The following MRPL27 variants were observed in gnomAD, a reference collection of about 807,000 sequenced individuals.
MRPL27 encodes the protein mitochondrial ribosomal protein L27.
A neutral mutation model predicts 14.6 loss-of-function variants in MRPL27; 4 were observed. That is an observed-to-expected ratio of 0.27 (90% CI 0.14 to 0.63). The LOEUF (loss-of-function observed/expected upper bound fraction) is 0.63. MRPL27 is among the 20% of genes least tolerant of loss of function. The probability of loss-of-function intolerance (pLI) is 0.85; values close to 1 mark genes in which losing one functional copy is unlikely to be tolerated. For synonymous variants in MRPL27, 82 were observed against 75.5 expected, an observed-to-expected ratio of 1.09 and a Z score of -0.45; for missense variants, 196 against 192.8, an observed-to-expected ratio of 1.02 and a Z score of -0.10.
chr17:50,369,003 T>C (rs1913047182), intron 3 of MRPL27: 1 of 635,726 alleles, frequency 1.6e-6, no homozygotes, highest in Non-Finnish European at 2.8e-6. Context: ...TCCAGCATTA[T>C]TCTCTGTCTC....
intron 3 of MRPL27, chr17:50,369,138 G>T (rs1913051211): frequency 2.3e-6 from 1 of 435,586 alleles, no homozygotes; most frequent in Non-Finnish European, 4.1e-6. Context: ...TGTCAAATGG[G>T]GATAATATTA....
At chr17:50,369,727 G>C (rs1913070152) in intron 3 of MRPL27, 2 of 429,682 alleles carry the variant, frequency 4.7e-6, no homozygotes, top group South Asian at 6.3e-5. Flanking sequence ...CTGAGGGTTA[G>C]AAAGGAGAAC....
At chr17:50,368,715 C>G in intron 3 of MRPL27, 3 of 614,158 alleles carry the variant, frequency 4.9e-6, no homozygotes, top group Admixed American at 6.0e-5. Context: ...AAAGTTTAGG[C>G]TCTATGGAAA....
At chr17:50,372,866 C>T (rs11871126) in intron 1 of MRPL27, 242,947 of 554,512 alleles carry the variant, frequency 0.44, 56,607 homozygotes, top group Admixed American at 0.57. Flanking sequence ...AGAGAAAGGA[C>T]CCACCCAAAT....
intron 1 of MRPL27, among the ~76,000 whole-genome samples, chr17:50,372,715 G>GT (rs1913208563): frequency 6.6e-6 from 1 of 152,182 alleles, no homozygotes; most frequent in African/African-American, 2.4e-5. Flanking sequence ...ACCGTTCGGG[G>GT]GCTAGAAGCC....
intron 3 of MRPL27, 123 bp downstream of exon 3, chr17:50,369,909 G>A: frequency 9.3e-7 from 1 of 1,071,968 alleles, no homozygotes; most frequent in Non-Finnish European, 1.4e-6. Flanking sequence ...GTAGGCATGG[G>A]AATCAGCACA....
At position 50,370,355 on chromosome 17, in the gene MRPL27, A is replaced by G; in HGVS notation, c.172+100T>C. 2.6e-6 allele frequency: 4 copies of G among 1,564,066 alleles called. No individual in the cohort carries two copies. In the East Asian group the frequency reaches 9.0e-5, roughly 35 times the overall value. ...TTAAACTGGAGCCAATTATGATGGT[A>G]AGGAAGAACAGGGCCAGGCACACGC... is the stretch of plus-strand genomic sequence containing the variant. On this transcript the variant is annotated intron_variant, in intron 2 of 3. Coordinates refer to ENST00000225969, the MANE Select transcript of MRPL27 (RefSeq NM_016504.3).
chr17:50,371,652 A>T (rs1257057846), intron 1 of MRPL27, among the ~76,000 whole-genome samples: 1 of 152,202 alleles, frequency 6.6e-6, no homozygotes, highest in Non-Finnish European at 1.5e-5. Context: ...CTATAAGTTC[A>T]GAGTTCCTGA....
chr17:50,368,680 A>C, intron 3 of MRPL27: 1 of 595,306 alleles, frequency 1.7e-6, no homozygotes, highest in South Asian at 2.1e-5. Flanking sequence ...GTTTGATGTA[A>C]ATTTTCATTT....
chr17:50,369,812 C>T, intron 3 of MRPL27: 1 of 617,818 alleles, frequency 1.6e-6, no homozygotes, highest in South Asian at 2.0e-5. Context: ...GTGCAAATCC[C>T]AGCAGTCACT....
At chr17:50,372,371 G>T (rs1406538978) in intron 1 of MRPL27, among the ~76,000 whole-genome samples, 4 of 151,940 alleles carry the variant, frequency 2.6e-5, no homozygotes, top group Non-Finnish European at 5.9e-5. Context: ...TCAGCCTCCT[G>T]AGTATCTGAG....
rs1301065287 is a variant in MRPL27, at chr17:50,370,510, G to A, written c.117C>T (p.Ser39=). 1 of 1,614,176 alleles carries A rather than the reference G, an allele frequency of 6.2e-7. No individual in the cohort carries two copies. The highest frequency in any genetic ancestry group is 8.5e-7 in the Non-Finnish European group (1 of 1,180,028). The change falls in exon 2 of 4, where the codon TCC becomes TCT. Residue 39 remains serine (S), a synonymous_variant. Coordinates refer to ENST00000225969, the MANE Select transcript of MRPL27 (RefSeq NM_016504.3). ...CTGATGACTTTCCACCGAGGTTTTT[G>A]GAGCTACCACCCGACTTCTTGGATG... The part of the protein sequence containing the change: ...RYASKKSGGS[S]KNLGGKSSGR...
At position 50,373,145 on chromosome 17, in the gene MRPL27, C is replaced by T. The variant is rs753612911; in HGVS notation, c.26G>A (p.Arg9Lys). The T allele has an allele frequency of 1.2e-6, 2 of 1,614,224 alleles. No individual in the cohort carries two copies. The highest frequency in any genetic ancestry group is 2.2e-5 in the East Asian group (1 of 44,894). The change falls in exon 1 of 4, where the codon AGG becomes AAG. Residue 9 changes from arginine (R) to lysine (K), a missense_variant. By Grantham distance (26) the Arg-to-Lys change is conservative. Coordinates refer to ENST00000225969, the MANE Select transcript of MRPL27 (RefSeq NM_016504.3). ...CGTCCCATTACCGGCTGTCCGGGTC[C>T]TCAGCGCCAACACCACCGACGCCAT... MASVVLAL[R>K]TRTAVTSLLS...
At chr17:50,371,644 A>C (rs565294179) in intron 1 of MRPL27, among the ~76,000 whole-genome samples, 2 of 152,316 alleles carry the variant, frequency 1.3e-5, no homozygotes, top group African/African-American at 4.8e-5. Flanking sequence ...TCTGGAGCCT[A>C]TAAGTTCAGA....
At position 50,368,253 on chromosome 17, in the gene MRPL27, T is replaced by TC. The variant is rs1301739891; in HGVS notation, c.285dup (p.Ile96AspfsTer6). The TC allele has an allele frequency of 1.2e-6, 2 of 1,614,134 alleles. No individual in the cohort carries two copies. Among genetic ancestry groups the TC allele is most frequent in the Non-Finnish European group, 1.7e-6 (2 of 1,180,026 alleles). On this transcript the variant is annotated frameshift_variant, in exon 4 of 4. Transcript: ENST00000225969. LOFTEE classifies it high-confidence loss of function. Reference sequence around the variant, plus strand: ...TAGACCTCCTTAGTGTAGCGGACTATCCCCTCTTCCAGGGCATACAGACAT... The same window carrying TC: ...TAGACCTCCTTAGTGTAGCGGACTATCCCCCTCTTCCAGGGCATACAGACAT...
chr17:50,368,193 G>T lies in MRPL27; in HGVS notation c.346C>A (p.Leu116Met). The T allele has an allele frequency of 1.2e-6, 2 of 1,614,236 alleles. No individual in the cohort carries two copies. The highest frequency in any genetic ancestry group is 1.7e-6 in the Non-Finnish European group (2 of 1,180,048). Residue 116 changes from leucine to methionine, a missense_variant, in exon 4 of 4, where the codon CTG becomes ATG. Leu to Met is a conservative substitution (Grantham distance 15, BLOSUM62 2). Transcript: ENST00000225969. The stretch of plus-strand genomic sequence containing the variant: ...GCACCCTTGGGCAGCCTGGTGATCA[G>T]ATCCACAGCCTCCGTGTTTCTGGGA... The part of the protein sequence containing the change: ...PHPRNTEAVD[L>M]ITRLPKGAVL...
At position 50,368,243 on chromosome 17, in the gene MRPL27, T is replaced by C; in HGVS notation, c.296A>G (p.Tyr99Cys). The C allele has an allele frequency of 6.2e-7, 1 of 1,614,230 alleles. No individual in the cohort carries two copies. The highest frequency in any genetic ancestry group is 8.5e-7 in the Non-Finnish European group (1 of 1,180,040). Residue 99 changes from tyrosine to cysteine, a missense_variant, in exon 4 of 4, where the codon TAC becomes TGC. Transcript: ENST00000225969. ...LYALEEGIVR[Y>C]TKEVYVPHPR... The stretch of plus-strand genomic sequence containing the variant: ...ATGAGGCACGTAGACCTCCTTAGTG[T>C]AGCGGACTATCCCCTCTTCCAGGGC...
Position 50,368,136 on chromosome 17 carries a change from G to A in MRPL27, c.403C>T (p.Pro135Ser), listed in dbSNP as rs1269720505. The A allele has an allele frequency of 6.2e-7, 1 of 1,614,222 alleles. No individual in the cohort carries two copies. ...TTGAAGGTGCCCTCAGGCTTGGCAGGAACCACGTGGACAAAAGTCTTGTAG... is the reference window on the plus strand; with the variant it reads ...TTGAAGGTGCCCTCAGGCTTGGCAGAAACCACGTGGACAAAAGTCTTGTAG... ...VLYKTFVHVVPAKPEGTFKLV... is the reference protein window; with the variant it reads ...VLYKTFVHVVSAKPEGTFKLV... Residue 135 changes from proline to serine, a missense_variant, in exon 4 of 4, where the codon CCT becomes TCT. Coordinates refer to ENST00000225969, the MANE Select transcript of MRPL27 (RefSeq NM_016504.3).
At chr17:50,368,492 G>A (rs1413403734) in intron 3 of MRPL27, 194 bp from the exon 4 acceptor site, 1 of 628,888 alleles carries the variant, frequency 1.6e-6, no homozygotes. Context: ...TAACAAATGA[G>A]GGAAAAGAAA....
Sources: gnomAD v4.1 joint callset for allele counts (sites outside exome capture counted in the v4.1 genomes callset) on GRCh38, gnomAD v4.1.1 for gene constraint, MANE v1.5 for transcripts, NCBI Gene and HGNC (gene_info 2026-07-23, HGNC 2026-07-21) for gene names.